Variants in ZNF804B observed in about 807,000 individuals in gnomAD.
ZNF804B encodes zinc finger protein 804B.
In ZNF804B, 80 loss-of-function variants were observed where a neutral mutation model predicts 101.4. The ratio of observed to expected loss-of-function variants is 0.79; its 90% CI spans 0.66 to 0.95. The LOEUF (loss-of-function observed/expected upper bound fraction) is 0.95. Among genes scored for constraint, ZNF804B ranks in the 40% least tolerant of loss-of-function variants. ZNF804B has a pLI of 0.00. For missense variants in ZNF804B, 1,673 were observed against 1,561.9 expected, an observed-to-expected ratio of 1.07 and a Z score of -1.20; for synonymous variants, 622 against 558.8, an observed-to-expected ratio of 1.11 and a Z score of -1.59.
rs762121098 is a variant in ZNF804B at position 89,335,127 on chromosome 7, C to T, written c.2145C>T (p.Ser715=). ...GATATTCTTCCTCTTTGGACACATC[C>T]CCTAGCAGCATGTCTAGCTTGAGAA... ...LSRYSSSLDT[S]PSSMSSLRST... The change falls in exon 4 of 4, where the codon TCC becomes TCT. Residue 715 remains serine, a synonymous_variant. Coordinates refer to ENST00000333190, the MANE Select transcript of ZNF804B (RefSeq NM_181646.5). 17 of 1,613,738 alleles carry T rather than the reference C, an allele frequency of 1.1e-5. No homozygotes were observed. The highest frequency in any genetic ancestry group is 1.4e-5 in the Non-Finnish European group (16 of 1,179,926).
intron 2 of ZNF804B, among the ~76,000 whole-genome samples, chr7:89,240,625 T>C (rs1260121781): frequency 6.6e-6 from 1 of 152,068 alleles, no homozygotes; most frequent in East Asian, 1.9e-4. Flanking sequence ...CTGCTTATAT[T>C]CTTCATTTTA....
chr7:88,966,761 T>TACAC (rs911193159), intron 1 of ZNF804B, among the ~76,000 whole-genome samples: 1 of 150,624 alleles, frequency 6.6e-6, no homozygotes, highest in Non-Finnish European at 1.5e-5. Context: ...CACACATACA[T>TACAC]ACACACACAC....
chr7:89,031,220 T>G (rs1467236015), intron 1 of ZNF804B, among the ~76,000 whole-genome samples: 2 of 151,040 alleles, frequency 1.3e-5, no homozygotes, highest in East Asian at 3.9e-4. Flanking sequence ...TGTATATATA[T>G]ATATATCAGA....
intron 1 of ZNF804B, among the ~76,000 whole-genome samples, chr7:89,189,172 A>G (rs372679288): frequency 2.6e-5 from 4 of 152,192 alleles, no homozygotes; most frequent in South Asian, 2.1e-4. Flanking sequence ...ACTGTGCTCT[A>G]TAAATGCAAC....
At chr7:89,036,691 A>G (rs1788933812) in intron 1 of ZNF804B, among the ~76,000 whole-genome samples, 1 of 152,104 alleles carries the variant, frequency 6.6e-6, no homozygotes, top group Non-Finnish European at 1.5e-5. Flanking sequence ...TATGGTGTGG[A>G]CACCTGATTT....
At chr7:88,828,444 C>A (rs1201566298) in intron 1 of ZNF804B, among the ~76,000 whole-genome samples, 1 of 151,908 alleles carries the variant, frequency 6.6e-6, no homozygotes, top group Non-Finnish European at 1.5e-5. Flanking sequence ...AGGGTCTTCC[C>A]TAGTGTTGTT....
intron 1 of ZNF804B, among the ~76,000 whole-genome samples, chr7:88,942,481 G>A (rs1285282099): frequency 1.4e-5 from 2 of 145,112 alleles, no homozygotes; most frequent in African/African-American, 2.5e-5. Flanking sequence ...TTATGTTTTG[G>A]TATAAAAGAT....
chr7:88,878,119 A>C (rs910856489), intron 1 of ZNF804B, among the ~76,000 whole-genome samples: 20 of 152,208 alleles, frequency 1.3e-4, no homozygotes, highest in Non-Finnish European at 1.9e-4. Context: ...AGCTTAGATA[A>C]TACTTCTAAC....
At chr7:88,931,012 T>C (rs1166931017) in intron 1 of ZNF804B, among the ~76,000 whole-genome samples, 1 of 151,970 alleles carries the variant, frequency 6.6e-6, no homozygotes, top group East Asian at 1.9e-4. Flanking sequence ...AATTGAACCA[T>C]AACATTTATA....
intron 1 of ZNF804B, among the ~76,000 whole-genome samples, chr7:88,762,089 A>T (rs1010446640): frequency 2.4e-5 from 3 of 125,690 alleles, no homozygotes; most frequent in Non-Finnish European, 5.4e-5. Flanking sequence ...TTACTTTGTT[A>T]TCTAGGATCT....
chr7:89,312,491 A>G (rs964438498), intron 2 of ZNF804B, among the ~76,000 whole-genome samples: 1 of 152,182 alleles, frequency 6.6e-6, no homozygotes, highest in African/African-American at 2.4e-5. Context: ...ATTTCTTCTC[A>G]CTCATTCTTT....
chr7:88,945,596 A>G (rs902071246), intron 1 of ZNF804B, among the ~76,000 whole-genome samples: 1 of 148,032 alleles, frequency 6.8e-6, no homozygotes, highest in Non-Finnish European at 1.5e-5. Flanking sequence ...TCCATATGAA[A>G]TTTAAAGTAG....
chr7:88,863,206 A>G (rs756571210), intron 1 of ZNF804B, among the ~76,000 whole-genome samples: 3 of 152,036 alleles, frequency 2.0e-5, no homozygotes, highest in Non-Finnish European at 2.9e-5. Context: ...CTCTCTCCCT[A>G]CAATGCTCTG....
intron 1 of ZNF804B, among the ~76,000 whole-genome samples, chr7:88,886,315 G>C (rs929140935): frequency 1.3e-5 from 2 of 151,964 alleles, no homozygotes; most frequent in Non-Finnish European, 2.9e-5. Flanking sequence ...GACAGTGGAG[G>C]GTGGGAGGAG....
chr7:89,270,578 A>G (rs1405117276), intron 2 of ZNF804B, among the ~76,000 whole-genome samples: 1 of 152,204 alleles, frequency 6.6e-6, no homozygotes, highest in Non-Finnish European at 1.5e-5. Context: ...TGAACTTTAA[A>G]GTAGTATTTT....
intron 1 of ZNF804B, among the ~76,000 whole-genome samples, chr7:88,805,694 C>G (rs978688977): frequency 6.6e-6 from 1 of 152,142 alleles, no homozygotes; most frequent in African/African-American, 2.4e-5. Flanking sequence ...TTAAGGACAG[C>G]ACATTCCTGG....
At chr7:89,196,444 G>C (rs1327904521) in intron 1 of ZNF804B, among the ~76,000 whole-genome samples, 1 of 151,976 alleles carries the variant, frequency 6.6e-6, no homozygotes, top group Non-Finnish European at 1.5e-5. Flanking sequence ...ATTGTATCTG[G>C]ACCCCCTCCT....
At chr7:88,973,900 T>G (rs758693231) in intron 1 of ZNF804B, among the ~76,000 whole-genome samples, 11 of 151,432 alleles carry the variant, frequency 7.3e-5, no homozygotes, top group Non-Finnish European at 1.2e-4. Context: ...TTTAAATTCC[T>G]TATGGCTCTT....
chr7:89,294,588 C>T (rs1289919758), intron 2 of ZNF804B, among the ~76,000 whole-genome samples: 1 of 151,652 alleles, frequency 6.6e-6, no homozygotes, highest in African/African-American at 2.4e-5. Context: ...TTCTCTATAC[C>T]TGCTGGGTCT....
Sources: allele counts gnomAD v4.1 joint callset (sites outside exome capture counted in the v4.1 genomes callset), GRCh38; gene constraint gnomAD v4.1.1; transcripts MANE v1.5; gene names NCBI Gene and HGNC (gene_info 2026-07-23, HGNC 2026-07-21).